FAM83E: variants seen among roughly 807,000 people sequenced by gnomAD.
The protein encoded by FAM83E is protein FAM83E.
FAM83E carries 29 observed loss-of-function variants against 34.3 expected under a neutral mutation model. The ratio of observed to expected loss-of-function variants is 0.85; its 90% confidence interval spans 0.63 to 1.15. FAM83E has a LOEUF of 1.15. Among genes scored for constraint, FAM83E ranks in the 50% most tolerant of loss-of-function variants. The pLI is 0.00. For synonymous variants in FAM83E, 312 were observed against 311.6 expected (o/e 1.00, Z -0.01); for missense variants, 697 against 685.0 (o/e 1.02, Z -0.20).
rs528928433 is a variant in FAM83E at position 48,612,549 on chromosome 19, C to T, written c.465+359G>A. ...CCTCCCGAGTAGCTGGGACTACAGG[C>T]GCCCACACCATGCCCGGCTAATTTT... On this transcript the variant is annotated intron_variant, in intron 3 of 6. Transcript: ENST00000263266. 5.3e-5 allele frequency among the ~76,000 whole-genome samples: 8 copies of T among 152,086 alleles called. No homozygotes were observed. In the South Asian group the frequency reaches 1.7e-3, roughly 32 times the overall value.
At chr19:48,610,123 G>C in intron 4 of FAM83E, 123 bp from the exon 5 acceptor site, 1 of 1,287,974 alleles carries the variant, frequency 7.8e-7, no homozygotes, top group Non-Finnish European at 1.1e-6. Flanking sequence ...CCAAGGCCAG[G>C]CGTGGTGGCT....
intron 5 of FAM83E, among the ~76,000 whole-genome samples, chr19:48,605,624 G>A (rs1394400369): frequency 6.7e-6 from 1 of 150,276 alleles, no homozygotes; most frequent in Non-Finnish European, 1.5e-5. Context: ...CTCAAGTGCA[G>A]TGGCACAATA....
chr19:48,609,787 G>T, intron 5 of FAM83E, 89 bp downstream of exon 5: 1 of 1,424,360 alleles, frequency 7.0e-7, no homozygotes, highest in Non-Finnish European at 9.7e-7. Context: ...GAGAGGCCTG[G>T]GCAAGGGGAT....
At chr19:48,605,272 T>G (rs1429042454) in intron 5 of FAM83E, among the ~76,000 whole-genome samples, 1 of 152,004 alleles carries the variant, frequency 6.6e-6, no homozygotes, top group South Asian at 2.1e-4. Flanking sequence ...ATCTGCAATC[T>G]GGAGCAAAAA....
chr19:48,604,874 G>T (rs558208394), intron 5 of FAM83E, among the ~76,000 whole-genome samples: 1 of 151,626 alleles, frequency 6.6e-6, no homozygotes, highest in African/African-American at 2.4e-5. Context: ...ACAGAAATTA[G>T]CTGGGTATGG....
chr19:48,607,531 G>C, intron 5 of FAM83E: 1 of 832,982 alleles, frequency 1.2e-6, no homozygotes, highest in Non-Finnish European at 1.9e-6. Context: ...CCCCAGGCCT[G>C]ACTGAGCGGC....
At chr19:48,602,867 A>T (rs997674322) in intron 6 of FAM83E, among the ~76,000 whole-genome samples, 90 of 124,268 alleles carry the variant, frequency 7.2e-4, no homozygotes, top group African/African-American at 2.7e-3. Flanking sequence ...TATTATTATT[A>T]TTTTGAGACA....
chr19:48,605,831 G>A (rs1028570104), intron 5 of FAM83E, among the ~76,000 whole-genome samples: 5 of 151,826 alleles, frequency 3.3e-5, no homozygotes, highest in South Asian at 2.1e-4. Flanking sequence ...GATTACAGGC[G>A]TGAGCCACTG....
At chr19:48,609,237 G>A (rs1157477874) in intron 5 of FAM83E, among the ~76,000 whole-genome samples, 3 of 148,964 alleles carry the variant, frequency 2.0e-5, no homozygotes, top group Admixed American at 1.3e-4. Context: ...TGAGGTAGGT[G>A]CTGTTATTAT....
rs773735468 is a variant in FAM83E at position 48,603,733 on chromosome 19, G to A, written c.937C>T (p.Arg313Cys). Residue 313 changes from arginine to cysteine, a missense_variant, in exon 6 of 7, where the codon CGC (arginine) becomes TGC (cysteine). Transcript: ENST00000263266. ...GCCACGGAGCGGCGGCGGGACACGC[G>A]GTGCGGGCTGCGGCCCCGCTGCAGG... Reference protein sequence around the residue: ...GGLQRGRSPHRVSRRRSVAPA... With the variant: ...GGLQRGRSPHCVSRRRSVAPA... 89 of 1,494,762 alleles carry A rather than the reference G, an allele frequency of 6.0e-5. No homozygotes were observed. Among genetic ancestry groups the A allele is most frequent in the Admixed American group, 4.1e-4 (15 of 36,580 alleles). The allele number at this position is 1,494,762 out of a possible 1,614,324, so 92.6% of individuals were successfully genotyped here. A position where few individuals can be genotyped will look rare whatever the true frequency, so the allele number is the denominator to read the frequency against.
rs184979842 is a variant in FAM83E at position 48,604,812 on chromosome 19, G to A, written c.759-901C>T. Among the ~76,000 whole-genome samples the A allele has an allele frequency of 2.9e-3, 437 of 150,220 alleles. 3 individuals are homozygous for A. The highest frequency in any genetic ancestry group is 9.7e-3 in the African/African-American group (396 of 40,992). On this transcript the variant is annotated intron_variant, in intron 5 of 6. Transcript: ENST00000263266. ...TGAGGCGGGCAGATCATGAGGTCAG[G>A]AGTTTGAGATCAGCCTGACCAACAT... is the stretch of plus-strand genomic sequence containing the variant.
At chr19:48,606,414 ACCTGGCTCTCAT>A (rs1264167496) in intron 5 of FAM83E, among the ~76,000 whole-genome samples, 1 of 151,942 alleles carries the variant, frequency 6.6e-6, no homozygotes, top group Middle Eastern at 3.2e-3. Context: ...AATTCAATGA[ACCTGGCTCTCAT>A]CCTGGCTCGG....
chr19:48,612,799 T>C, intron 3 of FAM83E, 109 bp downstream of exon 3: 2 of 1,284,962 alleles, frequency 1.6e-6, no homozygotes, highest in Non-Finnish European at 2.1e-6. Flanking sequence ...GGGGTATAGG[T>C]CCTTTAGGGT....
Position 48,613,682 on chromosome 19 carries a change from G to T in FAM83E, c.-310C>A. ...CGTGACCTTCCTGCCAGCCGTCTCTGCTGGTCAGGTTGACCTCCTGACACC... is the reference window on the plus strand; with the variant it reads ...CGTGACCTTCCTGCCAGCCGTCTCTTCTGGTCAGGTTGACCTCCTGACACC... On this transcript the variant is annotated 5_prime_UTR_variant, in exon 3 of 7. Transcript: ENST00000263266. 8.0e-7 allele frequency: 1 copy of T among 1,249,206 alleles called. No individual in the cohort carries two copies. The highest frequency in any genetic ancestry group is 2.1e-5 in the South Asian group (1 of 47,606). The allele number at this position is 1,249,206 out of a possible 1,614,324, so 77.4% of individuals were successfully genotyped here.
At position 48,614,011 on chromosome 19, in the gene FAM83E, A is replaced by G. The variant is rs1568422923; in HGVS notation, c.-639T>C. ...AGTCACAGTATCTGCCTGTTGGAGCATCTGTCTCTGGCCAAATCTGACAGC... is the reference window on the plus strand; with the variant it reads ...AGTCACAGTATCTGCCTGTTGGAGCGTCTGTCTCTGGCCAAATCTGACAGC... On this transcript the variant is annotated 5_prime_UTR_variant, in exon 3 of 7. The change abolishes an upstream ATG in the 5' untranslated region. Coordinates refer to ENST00000263266, the MANE Select transcript of FAM83E (RefSeq NM_017708.4). 1 of 985,270 alleles carries G rather than the reference A, an allele frequency of 1.0e-6. No individual in the cohort carries two copies. Among genetic ancestry groups the G allele is most frequent in the Non-Finnish European group, 1.2e-6 (1 of 829,938 alleles). 61.0% of individuals were successfully genotyped at this position (985,270 alleles called of 1,614,324 possible).
At chr19:48,603,403 G>T in intron 6 of FAM83E, 91 bp downstream of exon 6, 1 of 1,259,746 alleles carries the variant, frequency 7.9e-7, no homozygotes, top group Non-Finnish European at 1.0e-6. Flanking sequence ...CTGGCTGGGA[G>T]CAGGGCCCCT....
chr19:48,606,615 A>C (rs1973932716), intron 5 of FAM83E: 1 of 268,758 alleles, frequency 3.7e-6, no homozygotes, highest in Middle Eastern at 1.2e-3. Context: ...GGGATGGCAG[A>C]GCCCTCTTGC....
intron 3 of FAM83E, 51 bp from the exon 4 acceptor site, chr19:48,610,898 G>A (rs1335804391): frequency 1.9e-6 from 3 of 1,543,662 alleles, no homozygotes; most frequent in Non-Finnish European, 2.6e-6. Context: ...CTGGCTCAGG[G>A]GACACTCAGA....
intron 3 of FAM83E, 114 bp downstream of exon 3, chr19:48,612,794 A>C: frequency 5.7e-6 from 7 of 1,226,748 alleles, no homozygotes; most frequent in Non-Finnish European, 6.6e-6. Context: ...TCCCAGGGGT[A>C]TAGGTCCTTT....
Sources: allele counts gnomAD v4.1 joint callset (sites outside exome capture counted in the v4.1 genomes callset), GRCh38; gene constraint gnomAD v4.1.1; transcripts MANE v1.5; gene names NCBI Gene and HGNC (gene_info 2026-07-23, HGNC 2026-07-21).